R3HDM2: variants seen among roughly 807,000 people sequenced by gnomAD.
R3HDM2 encodes the protein R3H domain-containing protein 2.
Under a neutral mutation model 124.5 loss-of-function variants are expected in R3HDM2, and 38 were observed. The observed-to-expected ratio is 0.31, with a 90% CI of 0.24 to 0.40. The LOEUF is 0.40. Ranked by LOEUF, R3HDM2 falls within the 10% of genes least tolerant of loss-of-function variation. R3HDM2 has a pLI of 1.00. For missense variants in R3HDM2, 869 were observed against 1,236.9 expected (o/e 0.70, Z 4.46); for synonymous variants, 391 against 448.0 (o/e 0.87, Z 1.61).
At chr12:57,280,285 A>C in intron 14 of R3HDM2, 73 bp downstream of exon 14, 2 of 1,463,222 alleles carry the variant, frequency 1.4e-6, no homozygotes, top group Non-Finnish European at 1.8e-6. Flanking sequence ...CCACAGCACA[A>C]GAGACATGAC....
intron 12 of R3HDM2, 53 bp from the exon 13 acceptor site, chr12:57,284,109 G>A (rs1171959041): frequency 2.8e-6 from 4 of 1,434,288 alleles, no homozygotes; most frequent in African/African-American, 1.4e-5. Context: ...TTAGCAGAAG[G>A]GCTAGGAGAT....
intron 10 of R3HDM2, among the ~76,000 whole-genome samples, chr12:57,293,250 C>G (rs2049017512): frequency 6.6e-6 from 1 of 152,000 alleles, no homozygotes; most frequent in Non-Finnish European, 1.5e-5. Context: ...CATTTTTTTC[C>G]TGAACTTAAC....
intron 2 of R3HDM2, among the ~76,000 whole-genome samples, chr12:57,323,966 A>C (rs1482906488): frequency 6.6e-6 from 1 of 152,160 alleles, no homozygotes; most frequent in Non-Finnish European, 1.5e-5. Context: ...AGAGACCCTG[A>C]AAGTTCACAC....
intron 14 of R3HDM2, among the ~76,000 whole-genome samples, chr12:57,275,887 C>T (rs1421578800): frequency 6.6e-6 from 1 of 152,166 alleles, no homozygotes; most frequent in Non-Finnish European, 1.5e-5. Context: ...TAAAGTAGTA[C>T]AGCCACTATG....
At chr12:57,348,422 G>A (rs999860068) in intron 2 of R3HDM2, among the ~76,000 whole-genome samples, 3 of 151,914 alleles carry the variant, frequency 2.0e-5, no homozygotes, top group South Asian at 2.1e-4. Context: ...GGCTGGGCAC[G>A]GTGACTCACG....
At chr12:57,399,333 T>A (rs2067848272) in intron 1 of R3HDM2, among the ~76,000 whole-genome samples, 1 of 151,842 alleles carries the variant, frequency 6.6e-6, no homozygotes, top group African/African-American at 2.4e-5. Flanking sequence ...ACCCGAGAGG[T>A]GGAGGTTGCA....
At chr12:57,389,450 A>C (rs980002735) in intron 2 of R3HDM2, among the ~76,000 whole-genome samples, 4 of 152,232 alleles carry the variant, frequency 2.6e-5, no homozygotes, top group Non-Finnish European at 5.9e-5. Context: ...ATTCCAGAAA[A>C]TAACTCCAAA....
chr12:57,396,828 T>C (rs1246263772), intron 1 of R3HDM2, among the ~76,000 whole-genome samples: 3 of 150,960 alleles, frequency 2.0e-5, no homozygotes, highest in Non-Finnish European at 2.9e-5. Context: ...GGCTCACACC[T>C]GTAACCCCAG....
chr12:57,402,848 C>T (rs1177840333), intron 1 of R3HDM2, among the ~76,000 whole-genome samples: 1 of 152,082 alleles, frequency 6.6e-6, no homozygotes, highest in Non-Finnish European at 1.5e-5. Flanking sequence ...TAAGCTACTG[C>T]AGCCAGCCAA....
chr12:57,283,438 T>C (rs2138035390), intron 13 of R3HDM2, among the ~76,000 whole-genome samples: 1 of 152,278 alleles, frequency 6.6e-6, no homozygotes, highest in African/African-American at 2.4e-5. Context: ...GGACAAATGT[T>C]TTATTGAAAG....
intron 15 of R3HDM2, 148 bp downstream of exon 15, chr12:57,269,604 A>G: frequency 6.9e-7 from 1 of 1,453,940 alleles, no homozygotes; most frequent in Non-Finnish European, 9.3e-7. Context: ...TATGTTATAT[A>G]GAAAGAAGAC....
intron 1 of R3HDM2, among the ~76,000 whole-genome samples, chr12:57,406,236 G>A (rs1417613231): frequency 2.0e-5 from 3 of 150,272 alleles, no homozygotes; most frequent in Admixed American, 6.7e-5. Flanking sequence ...CAGGAGAATC[G>A]CTTGAATCCA....
chr12:57,406,648 A>G (rs868786391), intron 1 of R3HDM2, among the ~76,000 whole-genome samples: 1 of 152,200 alleles, frequency 6.6e-6, no homozygotes, highest in Non-Finnish European at 1.5e-5. Flanking sequence ...TCAATGAAGT[A>G]AGGGATCTAG....
intron 2 of R3HDM2, among the ~76,000 whole-genome samples, chr12:57,333,333 G>A (rs1427223988): frequency 6.6e-6 from 1 of 152,040 alleles, no homozygotes; most frequent in African/African-American, 2.4e-5. Context: ...AGAAAAAAAA[G>A]AAAAACATGG....
intron 2 of R3HDM2, among the ~76,000 whole-genome samples, chr12:57,362,326 T>C (rs1001520257): frequency 1.3e-5 from 2 of 152,352 alleles, no homozygotes; most frequent in South Asian, 2.1e-4. Context: ...TTTCACTTAA[T>C]AGTAAATGTA....
chr12:57,327,356 T>A (rs7972331), intron 2 of R3HDM2, among the ~76,000 whole-genome samples: 147,750 of 151,804 alleles, frequency 0.97, 72,032 homozygotes, highest in Middle Eastern at 1. Context: ...AATCCCAGCT[T>A]CTCGGGAGGC....
chr12:57,386,860 T>C (rs1454399666), intron 2 of R3HDM2, among the ~76,000 whole-genome samples: 1 of 152,194 alleles, frequency 6.6e-6, no homozygotes, highest in Non-Finnish European at 1.5e-5. Flanking sequence ...GCTCAGGGTT[T>C]GTGAATGCAC....
chr12:57,407,009 G>C (rs1440184875), intron 1 of R3HDM2, among the ~76,000 whole-genome samples: 1 of 152,174 alleles, frequency 6.6e-6, no homozygotes, highest in African/African-American at 2.4e-5. Flanking sequence ...AGCACTTTGA[G>C]AGGCCAAGGC....
intron 2 of R3HDM2, among the ~76,000 whole-genome samples, chr12:57,370,955 T>C (rs2063285955): frequency 6.6e-6 from 1 of 151,772 alleles, no homozygotes; most frequent in Non-Finnish European, 1.5e-5. Flanking sequence ...CACTGAGCAG[T>C]GATATGCCAG....
Sources: gnomAD v4.1 joint callset for allele counts (sites outside exome capture counted in the v4.1 genomes callset) on GRCh38, gnomAD v4.1.1 for gene constraint, MANE v1.5 for transcripts, NCBI Gene and HGNC (gene_info 2026-07-23, HGNC 2026-07-21) for gene names.